CCDC74A: variants seen among roughly 807,000 people sequenced by gnomAD.
The protein encoded by CCDC74A is coiled-coil domain-containing protein 74A.
Under a neutral mutation model 37.6 loss-of-function variants are expected in CCDC74A, and 38 were observed. That is an observed-to-expected ratio of 1.01 (90% CI 0.78 to 1.33). The LOEUF is 1.33. CCDC74A is among the 40% of genes most tolerant of loss of function. The probability of loss-of-function intolerance (pLI) is 0.00; values close to 1 mark genes in which losing one functional copy is unlikely to be tolerated. For missense variants in CCDC74A, 340 were observed against 403.4 expected, an observed-to-expected ratio of 0.84 and a Z score of 1.35; for synonymous variants, 134 against 165.2, an observed-to-expected ratio of 0.81 and a Z score of 1.45.
rs1226790671 is a variant in CCDC74A, at chr2:131,533,460, G to A, written c.*62G>A. 1.3e-6 allele frequency: 2 copies of A among 1,593,650 alleles called. No homozygotes were observed. Among genetic ancestry groups the A allele is most frequent in the African/African-American group, 2.7e-5 (2 of 74,370 alleles). ...TGCAGCTGGAGACTGGCTCTCTATA[G>A]CATTTCCTGATACTTCCGCTACTTT... On this transcript the variant is annotated 3_prime_UTR_variant, in exon 8 of 8. Coordinates refer to ENST00000409856, the MANE Select transcript of CCDC74A (RefSeq NM_001258306.3).
At chr2:131,526,173 G>GTTTTTT, upstream of CCDC74A, among the ~76,000 whole-genome samples, 1 of 139,716 alleles carries the variant, frequency 7.2e-6, no homozygotes, top group African/African-American at 2.6e-5. Context: ...CTGAGATGGA[G>GTTTTTT]TCTTACTCTG....
rs77847251 is a variant in CCDC74A at position 131,528,426 on chromosome 2, T to C, written c.250+206T>C. On this transcript the variant is annotated intron_variant, in intron 1 of 7. Transcript: ENST00000409856. The stretch of plus-strand genomic sequence containing the variant: ...TGGCCCCCGGGCAGTGCCGACCCTG[T>C]CTGCCTGTCTCGTAGGGCAGCAGCA... The C allele has an allele frequency of 7.0e-3, 10,912 of 1,550,352 alleles. 100 individuals carry two copies. Among genetic ancestry groups the C allele is most frequent in the Middle Eastern group, 0.031 (185 of 5,912 alleles).
Position 131,533,265 on chromosome 2 carries a change from C to G in CCDC74A, c.810-4C>G. 1 of 1,612,776 alleles carries G rather than the reference C, an allele frequency of 6.2e-7. No homozygotes were observed. The highest frequency in any genetic ancestry group is 8.5e-7 in the Non-Finnish European group (1 of 1,179,836). ...CACGGTGACAGTCCCTCTACCCGCC[C>G]CAGCCTGAGCCCACCTGTGGCGGAG... On this transcript the variant is annotated splice_region_variant and splice_polypyrimidine_tract_variant and intron_variant, in intron 7 of 7. Coordinates refer to ENST00000409856, the MANE Select transcript of CCDC74A (RefSeq NM_001258306.3).
chr2:131,532,195 G>T (rs1298743936), intron 4 of CCDC74A, among the ~76,000 whole-genome samples: 3 of 142,806 alleles, frequency 2.1e-5, no homozygotes, highest in Non-Finnish European at 4.7e-5. Flanking sequence ...AGGTTCTGGT[G>T]ATCCCTGAGT....
Position 131,532,727 on chromosome 2 carries a change from G to A in CCDC74A, c.624G>A (p.Gln208=), listed in dbSNP as rs373531878. Residue 208 remains glutamine (Q), a synonymous_variant, in exon 5 of 8, where the codon CAG becomes CAA. Coordinates refer to ENST00000409856, the MANE Select transcript of CCDC74A (RefSeq NM_001258306.3). ...TGCGAAAGCCCACCACACTTAGGCA[G>A]TGCGAAGTGCTCATCCGCGAGCTGT... ...LPLRKPTTLR[Q]CEVLIRELWN... 1.9e-5 allele frequency: 31 copies of A among 1,613,588 alleles called. No homozygotes were observed. The highest frequency in any genetic ancestry group is 2.7e-5 in the African/African-American group (2 of 74,922).
intron 2 of CCDC74A, 66 bp downstream of exon 2, chr2:131,529,757 G>C: frequency 2.5e-6 from 4 of 1,590,914 alleles, no homozygotes; most frequent in Non-Finnish European, 3.4e-6. Context: ...CCTCCAGACT[G>C]TCCTTGCCCA....
chr2:131,530,331 G>C, intron 2 of CCDC74A: 20 of 1,544,208 alleles, frequency 1.3e-5, no homozygotes, highest in Non-Finnish European at 1.7e-5. Context: ...GATGGAGCCA[G>C]CCTGGGAACA....
upstream of CCDC74A, among the ~76,000 whole-genome samples, chr2:131,522,694 GGCCCAC>G (rs1238334454): frequency 6.6e-6 from 1 of 152,058 alleles, no homozygotes; most frequent in African/African-American, 2.4e-5. Context: ...TCCCATTCGT[GGCCCAC>G]TCCCACGATC....
rs777029211 is a variant in CCDC74A, at chr2:131,530,787, C to T, written c.306C>T (p.Ser102=). Reference sequence around the variant, plus strand: ...TGCGCTCTCCTGCAGACAGCCTCTCCATGTCAAGCTTCCAGTCTGTCAAGT... The same window carrying T: ...TGCGCTCTCCTGCAGACAGCCTCTCTATGTCAAGCTTCCAGTCTGTCAAGT... ...NQTSQKKDSL[S]MSSFQSVKSI... is the part of the protein sequence containing the mutation. Residue 102 remains serine (S), a synonymous_variant, in exon 3 of 8, where the codon TCC becomes TCT. Transcript: ENST00000409856. The T allele has an allele frequency of 2.5e-6, 4 of 1,596,364 alleles. No homozygotes were observed. Among genetic ancestry groups the T allele is most frequent in the Middle Eastern group, 1.7e-4 (1 of 5,958 alleles).
At chr2:131,524,077 C>T (rs1346344879), upstream of CCDC74A, among the ~76,000 whole-genome samples, 2 of 152,184 alleles carry the variant, frequency 1.3e-5, no homozygotes, top group Non-Finnish European at 2.9e-5. Flanking sequence ...CTGAAACTTG[C>T]TTTGGTCTCT....
upstream of CCDC74A, among the ~76,000 whole-genome samples, chr2:131,524,340 T>C (rs1680222804): frequency 6.6e-6 from 1 of 152,208 alleles, no homozygotes; most frequent in Non-Finnish European, 1.5e-5. Flanking sequence ...TAATTCTATA[T>C]GTCAACTTGT....
chr2:131,531,749 C>G lies in CCDC74A; in HGVS notation c.432C>G (p.Pro144=). 2 of 1,523,032 alleles carry G rather than the reference C, an allele frequency of 1.3e-6. 1 individual carries two copies. 94.3% of individuals were successfully genotyped at this position (1,523,032 alleles called of 1,614,324 possible). Residue 144 remains proline, a synonymous_variant, in exon 4 of 8, where the codon CCC becomes CCG. Coordinates refer to ENST00000409856, the MANE Select transcript of CCDC74A (RefSeq NM_001258306.3). ...AGAAGGCGGACCTGGAAGAGGAGCCCCTACTTCACAACAGCAAGCTGGACA... is the reference window on the plus strand; with the variant it reads ...AGAAGGCGGACCTGGAAGAGGAGCCGCTACTTCACAACAGCAAGCTGGACA... ...VSQKADLEEE[P]LLHNSKLDKV...
In CCDC74A at chr2:131,528,147, C is replaced by A. The variant is rs144545182; in HGVS notation, c.177C>A (p.Phe59Leu). The A allele has an allele frequency of 1.9e-6, 3 of 1,613,924 alleles. No individual in the cohort carries two copies. The highest frequency in any genetic ancestry group is 2.5e-6 in the Non-Finnish European group (3 of 1,179,840). Reference protein sequence around the residue: ...RNLDLEKSLQFLQQQHSEMLA... With the variant: ...RNLDLEKSLQLLQQQHSEMLA... ...TGGACCTGGAGAAAAGCCTGCAGTTCCTGCAGCAGCAGCACTCGGAGATGC... is the reference window on the plus strand; with the variant it reads ...TGGACCTGGAGAAAAGCCTGCAGTTACTGCAGCAGCAGCACTCGGAGATGC... The change falls in exon 1 of 8, where the codon TTC (phenylalanine) becomes TTA (leucine). Residue 59 changes from phenylalanine (F) to leucine (L), a missense_variant. Phe to Leu is a conservative substitution (Grantham distance 22, BLOSUM62 0). This residue lies in a region of CCDC74A where 154 missense variants were observed against 153.9 expected (regional missense o/e 1.00). Transcript: ENST00000409856.
At chr2:131,527,834 A>G, upstream of CCDC74A, 6 of 1,271,746 alleles carry the variant, frequency 4.7e-6, no homozygotes, top group Non-Finnish European at 6.2e-6. Flanking sequence ...AGGAAGAGCC[A>G]GCGACAGGCC....
Position 131,533,031 on chromosome 2 carries a change from T to A in CCDC74A, c.771T>A (p.His257Gln). Residue 257 changes from histidine (H) to glutamine (Q), a missense_variant, in exon 7 of 8, where the codon CAT becomes CAA. Physicochemically the swap from His to Gln is conservative, Grantham distance 24 (BLOSUM62 0). This residue lies in a region of CCDC74A where 185 missense variants were observed against 231.5 expected (regional missense o/e 0.80). Coordinates refer to ENST00000409856, the MANE Select transcript of CCDC74A (RefSeq NM_001258306.3). ...CACCCAGGGACCAAGAAGCCACGCA[T>A]TTCCCCAAGGTCTCCACCAAGAGCC... ...ASFPRDQEAT[H>Q]FPKVSTKSLS... 1 of 1,613,846 alleles carries A rather than the reference T, an allele frequency of 6.2e-7. No homozygotes were observed. Among genetic ancestry groups the A allele is most frequent in the South Asian group, 1.1e-5 (1 of 91,068 alleles).
At chr2:131,529,160 C>A (rs760480898) in intron 1 of CCDC74A, 8 of 233,138 alleles carry the variant, frequency 3.4e-5, no homozygotes, top group Non-Finnish European at 5.1e-5. Context: ...TCTCCCGCCC[C>A]GTTCCCTGGT....
Position 131,533,274 on chromosome 2 carries a change from G to A in CCDC74A, c.815G>A (p.Ser272Asn), listed in dbSNP as rs370641794. ...STKSLSKKCL[S>N]PPVAERAILP... ...AGTCCCTCTACCCGCCCCAGCCTGA[G>A]CCCACCTGTGGCGGAGCGTGCCATC... The change falls in exon 8 of 8, where the codon AGC (serine) becomes AAC (asparagine). Residue 272 changes from serine to asparagine, a missense_variant. Transcript: ENST00000409856. The A allele has an allele frequency of 6.2e-7, 1 of 1,612,922 alleles. No individual in the cohort carries two copies. Among genetic ancestry groups the A allele is most frequent in the Non-Finnish European group, 8.5e-7 (1 of 1,179,856 alleles).
chr2:131,525,193 A>T (rs1461617352), upstream of CCDC74A, among the ~76,000 whole-genome samples: 1 of 152,194 alleles, frequency 6.6e-6, no homozygotes, highest in Non-Finnish European at 1.5e-5. Context: ...ATTATATTTT[A>T]TCTTAATTTA....
chr2:131,522,806 A>G (rs397833935), upstream of CCDC74A, among the ~76,000 whole-genome samples: 12 of 152,246 alleles, frequency 7.9e-5, no homozygotes, highest in African/African-American at 1.2e-4. Flanking sequence ...CTGTGCAGTC[A>G]GGAGAAATCT....
Sources: allele counts gnomAD v4.1 joint callset (sites outside exome capture counted in the v4.1 genomes callset), GRCh38; gene constraint gnomAD v4.1.1; regional missense constraint gnomAD v4.1.1; transcripts MANE v1.5; gene names NCBI Gene and HGNC (gene_info 2026-07-23, HGNC 2026-07-21).